Variants in CDH4 observed in about 807,000 individuals in gnomAD.
The protein encoded by CDH4 is cadherin 4.
Under a neutral mutation model 86.0 loss-of-function variants are expected in CDH4, and 33 were observed. The observed-to-expected ratio is 0.38, with a 90% confidence interval of 0.29 to 0.51. The LOEUF is 0.51. Ranked by LOEUF, CDH4 falls within the 20% of genes least tolerant of loss-of-function variation. The pLI is 0.86. For missense variants in CDH4, 1,114 were observed against 1,307.4 expected (o/e 0.85, Z 2.28); for synonymous variants, 555 against 549.4 (o/e 1.01, Z -0.14).
intron 2 of CDH4, among the ~76,000 whole-genome samples, chr20:61,386,549 T>C (rs2084951880): frequency 6.6e-6 from 1 of 152,160 alleles, no homozygotes; most frequent in African/African-American, 2.4e-5. Context: ...TTGAGGTCTT[T>C]GATGGGAAGA....
At position 61,582,570 on chromosome 20, in the gene CDH4, G is replaced by T. The variant is rs746538682; in HGVS notation, c.170-160993G>T. On this transcript the variant is annotated intron_variant, in intron 2 of 15. Transcript: ENST00000614565. This position sits in a 1 kb window ranked among gnomAD's most constrained non-coding sequence, Gnocchi z 4.2. ...AGTGCTTCCGGGGAGAGTCTCCCCA[G>T]TTGCACCCAGTGCCCTGAGAGCTGC... Among the ~76,000 whole-genome samples, 2 of 152,132 alleles carry T rather than the reference G, an allele frequency of 1.3e-5. No homozygotes were observed. The highest frequency in any genetic ancestry group is 2.9e-5 in the Non-Finnish European group (2 of 68,022).
chr20:61,524,839 AG>A (rs2085898900), intron 2 of CDH4, among the ~76,000 whole-genome samples: 2 of 152,216 alleles, frequency 1.3e-5, no homozygotes, highest in Admixed American at 6.5e-5. Flanking sequence ...CTCATTCATT[AG>A]ATAATACCAT....
chr20:61,927,780 TGA>T (rs2122989112), intron 11 of CDH4, among the ~76,000 whole-genome samples: 1 of 152,292 alleles, frequency 6.6e-6, no homozygotes, highest in South Asian at 2.1e-4. Context: ...TCCGTGGCTG[TGA>T]GTTTCCACGT....
intron 2 of CDH4, among the ~76,000 whole-genome samples, chr20:61,513,817 C>T (rs144945248): frequency 7.8e-4 from 119 of 152,320 alleles, no homozygotes; most frequent in African/African-American, 2.5e-3. Flanking sequence ...CCAGGCACCA[C>T]GGGCCTGGCA....
intron 2 of CDH4, among the ~76,000 whole-genome samples, chr20:61,601,666 T>C (rs2086602004): frequency 6.6e-6 from 1 of 152,216 alleles, no homozygotes; most frequent in Admixed American, 6.5e-5. Context: ...GACTGGGCCC[T>C]GTCTGGCCTT....
chr20:61,640,771 G>A (rs866306044), intron 2 of CDH4, among the ~76,000 whole-genome samples: 2 of 152,184 alleles, frequency 1.3e-5, no homozygotes, highest in Non-Finnish European at 2.9e-5. Flanking sequence ...CAAACTCAGC[G>A]GAGATTAATT....
chr20:61,715,240 A>T (rs1191589647), intron 2 of CDH4, among the ~76,000 whole-genome samples: 1 of 152,166 alleles, frequency 6.6e-6, no homozygotes, highest in African/African-American at 2.4e-5. Flanking sequence ...TCATTGGCTC[A>T]CTTTTGATGG....
intron 2 of CDH4, among the ~76,000 whole-genome samples, chr20:61,720,783 G>A (rs969329589): frequency 5.3e-5 from 8 of 152,200 alleles, no homozygotes; most frequent in South Asian, 2.1e-4. Flanking sequence ...TGTAGGGGTC[G>A]GGGAGGCGTG....
intron 2 of CDH4, among the ~76,000 whole-genome samples, chr20:61,315,425 A>T (rs2084470957): frequency 6.6e-6 from 1 of 152,214 alleles, no homozygotes; most frequent in South Asian, 2.1e-4. Context: ...CTGATAAAAA[A>T]GACCAGAAGC....
intron 4 of CDH4, among the ~76,000 whole-genome samples, chr20:61,830,213 C>T (rs1046490260): frequency 1.1e-4 from 16 of 151,810 alleles, no homozygotes; most frequent in Non-Finnish European, 2.2e-4. Context: ...ACAGAGGCTC[C>T]GAGGGAGCAG....
At chr20:61,391,472 C>T (rs2145466245) in intron 2 of CDH4, among the ~76,000 whole-genome samples, 1 of 152,272 alleles carries the variant, frequency 6.6e-6, no homozygotes, top group Middle Eastern at 3.4e-3. Context: ...GACTAAGGGA[C>T]ATCGCCAGGG....
At chr20:61,266,359 G>T (rs1389027826) in intron 2 of CDH4, among the ~76,000 whole-genome samples, 4 of 152,042 alleles carry the variant, frequency 2.6e-5, no homozygotes, top group Admixed American at 2.6e-4. Context: ...GAAGGCAGAG[G>T]AGAAAGGCTT....
chr20:61,665,619 C>T (rs1441224584), intron 2 of CDH4, among the ~76,000 whole-genome samples: 2 of 152,212 alleles, frequency 1.3e-5, no homozygotes, highest in Admixed American at 6.5e-5. Flanking sequence ...GAGCATCCAC[C>T]AGCAGCGCTT....
At chr20:61,536,174 G>A (rs904226236) in intron 2 of CDH4, among the ~76,000 whole-genome samples, 2 of 152,160 alleles carry the variant, frequency 1.3e-5, no homozygotes, top group South Asian at 2.1e-4. Flanking sequence ...GGCTCTGCTC[G>A]GAGAAGCCTC....
intron 2 of CDH4, among the ~76,000 whole-genome samples, chr20:61,674,971 A>G (rs189722641): frequency 5.2e-4 from 79 of 152,130 alleles, no homozygotes; most frequent in African/African-American, 1.8e-3. Context: ...CAGGTGAGCA[A>G]TTAGAAAGAG....
At chr20:61,458,270 A>T (rs2085420793) in intron 2 of CDH4, among the ~76,000 whole-genome samples, 1 of 150,178 alleles carries the variant, frequency 6.7e-6, no homozygotes, top group Admixed American at 6.6e-5. Context: ...GACAGTGCTG[A>T]TGCTGGTGGT....
intron 2 of CDH4, among the ~76,000 whole-genome samples, chr20:61,496,075 G>C (rs947441278): frequency 6.6e-6 from 1 of 151,844 alleles, no homozygotes; most frequent in African/African-American, 2.4e-5. Flanking sequence ...TGAGGGAATT[G>C]AACAACGGAC....
At chr20:61,923,170 C>G (rs565837617) in intron 9 of CDH4, among the ~76,000 whole-genome samples, 1 of 152,168 alleles carries the variant, frequency 6.6e-6, no homozygotes, top group African/African-American at 2.4e-5. Context: ...TGCAGCCCCC[C>G]CAGGAGGAGC....
rs569010424 is a variant in CDH4 at position 61,604,864 on chromosome 20, C to A, written c.170-138699C>A. Among the ~76,000 whole-genome samples the A allele has an allele frequency of 3.3e-5, 5 of 152,182 alleles. No individual in the cohort carries two copies. The East Asian group carries it at 9.7e-4, about 29-fold the overall frequency. ...AGGAGAAATGGAAATAGGCCAGGGA[C>A]CCTGGTATAATTTGAGGAAATGGCT... On this transcript the variant is annotated intron_variant, in intron 2 of 15. Coordinates refer to ENST00000614565, the MANE Select transcript of CDH4 (RefSeq NM_001794.5).
Sources: allele counts gnomAD v4.1 joint callset (sites outside exome capture counted in the v4.1 genomes callset), GRCh38; gene constraint gnomAD v4.1.1; non-coding constraint Gnocchi (gnomAD v3.1); transcripts MANE v1.5; gene names NCBI Gene and HGNC (gene_info 2026-07-23, HGNC 2026-07-21).